Variants in AOC1 observed in about 807,000 individuals in gnomAD.
The protein encoded by AOC1 is diamine oxidase [copper-containing].
A neutral mutation model predicts 57.1 loss-of-function variants in AOC1; 58 were observed. That is an observed-to-expected ratio of 1.02 (90% CI 0.82 to 1.26). The LOEUF (loss-of-function observed/expected upper bound fraction) is 1.26, where lower values mean the gene tolerates loss of function less well. AOC1 is among the 50% of genes most tolerant of loss of function. The pLI is 0.00. For missense variants in AOC1, 917 were observed against 1,005.3 expected (o/e 0.91, Z 1.19); for synonymous variants, 401 against 423.4 (o/e 0.95, Z 0.65).
Position 150,857,315 on chromosome 7 carries a change from T to C in AOC1, c.845T>C (p.Phe282Ser). 1.3e-6 allele frequency: 2 copies of C among 1,597,074 alleles called. No individual in the cohort carries two copies. The highest frequency in any genetic ancestry group is 8.5e-7 in the Non-Finnish European group (1 of 1,169,950). ...GHDSTEEPPL[F>S]SSHKPRGDFP... ...GACAGCACAGAGGAGCCGCCCCTCT[T>C]CTCCTCCCACAAGCCCCGCGGGGAC... The change falls in exon 2 of 5, where the codon TTC becomes TCC. Residue 282 changes from phenylalanine to serine, a missense_variant. Coordinates refer to ENST00000360937, the MANE Select transcript of AOC1 (RefSeq NM_001091.4). This position sits in a 1 kb window ranked among gnomAD's most constrained non-coding sequence, Gnocchi z 6.6.
chr7:150,859,425 C>T (rs1287261641), intron 3 of AOC1, among the ~76,000 whole-genome samples: 2 of 151,998 alleles, frequency 1.3e-5, no homozygotes, highest in African/African-American at 4.8e-5. Flanking sequence ...AAATCCTGGC[C>T]GGGCACGGTG....
In AOC1 at chr7:150,856,658, C is replaced by A; in HGVS notation, c.188C>A (p.Thr63Asn). 1.9e-6 allele frequency: 3 copies of A among 1,614,172 alleles called. No individual in the cohort carries two copies. The highest frequency in any genetic ancestry group is 2.5e-6 in the Non-Finnish European group (3 of 1,179,980). ...AGGCTGCAGCCCTCCAGTACCACCA[C>A]CATGGCCAAGAACACCGTGTTTCTC... The part of the protein sequence containing the change: ...ELRLQPSSTT[T>N]MAKNTVFLIE... Residue 63 changes from threonine (T) to asparagine (N), a missense_variant, in exon 2 of 5, where the codon ACC becomes AAC. Transcript: ENST00000360937. This position sits in a 1 kb window ranked among gnomAD's most constrained non-coding sequence, Gnocchi z 5.2.
chr7:150,860,885 T>G, intron 4 of AOC1, 58 bp from the exon 5 acceptor site: 1 of 1,552,284 alleles, frequency 6.4e-7, no homozygotes, highest in Non-Finnish European at 8.7e-7. Flanking sequence ...AAGGCTAGAG[T>G]GGCCTCCAGT....
chr7:150,861,229 C>T lies in AOC1; in HGVS notation c.*20C>T. ...GTGTGACCAGCCCCCAGTTCCTCCC[C>T]CAGTTCCTCCCAGGAAGCCCAGGAG... On this transcript the variant is annotated 3_prime_UTR_variant, in exon 5 of 5. Coordinates refer to ENST00000360937, the MANE Select transcript of AOC1 (RefSeq NM_001091.4). The surrounding 1 kb of genome is among the most constrained non-coding windows in gnomAD (Gnocchi z 4.5). 1 of 1,545,570 alleles carries T rather than the reference C, an allele frequency of 6.5e-7. No individual in the cohort carries two copies.
In AOC1 at chr7:150,856,715, T is replaced by G; in HGVS notation, c.245T>G (p.Val82Gly). The G allele has an allele frequency of 6.2e-7, 1 of 1,614,152 alleles. No homozygotes were observed. The highest frequency in any genetic ancestry group is 2.2e-5 in the East Asian group (1 of 44,870). The change falls in exon 2 of 5, where the codon GTG becomes GGG. Residue 82 changes from valine to glycine, a missense_variant. Coordinates refer to ENST00000360937, the MANE Select transcript of AOC1 (RefSeq NM_001091.4). This position sits in a 1 kb window ranked among gnomAD's most constrained non-coding sequence, Gnocchi z 5.2. Reference sequence around the variant, plus strand: ...ATGCTGCTGCCCAAGAAGTACCATGTGCTGAGGTTTCTGGATAAAGGTGAA... The same window carrying G: ...ATGCTGCTGCCCAAGAAGTACCATGGGCTGAGGTTTCTGGATAAAGGTGAA... ...IEMLLPKKYH[V>G]LRFLDKGERH...
intron 3 of AOC1, 51 bp from the exon 4 acceptor site, chr7:150,860,449 AG>A: frequency 6.2e-7 from 1 of 1,611,902 alleles, no homozygotes. Flanking sequence ...GGCAGGACTG[AG>A]GGGGGCCAGC....
intron 3 of AOC1, among the ~76,000 whole-genome samples, chr7:150,859,486 G>A (rs1056836567): frequency 7.9e-5 from 12 of 151,448 alleles, no homozygotes; most frequent in Non-Finnish European, 1.5e-4. Context: ...GACAGATCAC[G>A]AGGTCAGGAG....
chr7:150,856,560 A>C lies in AOC1; in HGVS notation c.90A>C (p.Ala30=), dbSNP rs1799780906. 1.2e-6 allele frequency: 2 copies of C among 1,614,062 alleles called. No individual in the cohort carries two copies. Among genetic ancestry groups the C allele is most frequent in the African/African-American group, 1.3e-5 (1 of 75,042 alleles). Residue 30 remains alanine (A), a synonymous_variant, in exon 2 of 5, where the codon GCA becomes GCC. Coordinates refer to ENST00000360937, the MANE Select transcript of AOC1 (RefSeq NM_001091.4). This position sits in a 1 kb window ranked among gnomAD's most constrained non-coding sequence, Gnocchi z 5.2. ...EPSPGTLPRK[A]GVFSDLSNQE... is the part of the protein sequence containing the mutation. ...CCCCGGGGACTCTGCCCAGGAAGGC[A>C]GGGGTGTTTTCAGACCTAAGCAACC...
Position 150,856,566 on chromosome 7 carries a change from G to A in AOC1, c.96G>A (p.Val32=). 1 of 1,614,128 alleles carries A rather than the reference G, an allele frequency of 6.2e-7. No individual in the cohort carries two copies. The highest frequency in any genetic ancestry group is 8.5e-7 in the Non-Finnish European group (1 of 1,179,976). ...GGACTCTGCCCAGGAAGGCAGGGGTGTTTTCAGACCTAAGCAACCAAGAGC... is the reference window on the plus strand; with the variant it reads ...GGACTCTGCCCAGGAAGGCAGGGGTATTTTCAGACCTAAGCAACCAAGAGC... ...SPGTLPRKAG[V]FSDLSNQELK... is the part of the protein sequence containing the mutation. Residue 32 remains valine (V), a synonymous_variant, in exon 2 of 5, where the codon GTG becomes GTA. Coordinates refer to ENST00000360937, the MANE Select transcript of AOC1 (RefSeq NM_001091.4). This position sits in a 1 kb window ranked among gnomAD's most constrained non-coding sequence, Gnocchi z 5.2.
intron 1 of AOC1, among the ~76,000 whole-genome samples, chr7:150,855,566 G>A (rs937811463): frequency 2.0e-5 from 3 of 152,160 alleles, no homozygotes; most frequent in Admixed American, 2.0e-4. Context: ...CCTCCCTGAG[G>A]TCCCCTCCTA....
chr7:150,861,221 T>G lies in AOC1; in HGVS notation c.*12T>G. ...ATAGACCTGTGTGACCAGCCCCCAG[T>G]TCCTCCCCCAGTTCCTCCCAGGAAG... is the stretch of plus-strand genomic sequence containing the variant. On this transcript the variant is annotated 3_prime_UTR_variant, in exon 5 of 5. Coordinates refer to ENST00000360937, the MANE Select transcript of AOC1 (RefSeq NM_001091.4). This position sits in a 1 kb window ranked among gnomAD's most constrained non-coding sequence, Gnocchi z 4.5. The G allele has an allele frequency of 9.6e-6, 15 of 1,556,434 alleles. No homozygotes were observed. Among genetic ancestry groups the G allele is most frequent in the Non-Finnish European group, 1.3e-5 (15 of 1,144,238 alleles).
intron 1 of AOC1, among the ~76,000 whole-genome samples, chr7:150,855,899 G>C (rs188990668): frequency 1.8e-4 from 28 of 151,602 alleles, no homozygotes; most frequent in Admixed American, 1.8e-3. Context: ...TGAAGGCCCA[G>C]AGAGTTTAAG....
rs371131201 is a variant in AOC1, at chr7:150,857,508, T to C, written c.1038T>C (p.Ile346=). ...VLNVHFGGER[I]AYEVSVQEAV... ...ACGTGCACTTCGGCGGAGAGCGCATTGCCTATGAGGTCAGCGTGCAAGAGG... is the reference window on the plus strand; with the variant it reads ...ACGTGCACTTCGGCGGAGAGCGCATCGCCTATGAGGTCAGCGTGCAAGAGG... Residue 346 remains isoleucine, a synonymous_variant, in exon 2 of 5, where the codon ATT becomes ATC. Transcript: ENST00000360937. This position sits in a 1 kb window ranked among gnomAD's most constrained non-coding sequence, Gnocchi z 6.6. The C allele has an allele frequency of 6.2e-7, 1 of 1,613,886 alleles. No homozygotes were observed. Among genetic ancestry groups the C allele is most frequent in the Non-Finnish European group, 8.5e-7 (1 of 1,179,968 alleles).
chr7:150,860,382 T>C (rs1799931861), intron 3 of AOC1, 119 bp from the exon 4 acceptor site: 2 of 1,540,334 alleles, frequency 1.3e-6, no homozygotes, highest in African/African-American at 1.4e-5. Flanking sequence ...ACAGATGATC[T>C]GTCATCTTGG....
intron 2 of AOC1, 29 bp from the exon 3 acceptor site, chr7:150,858,734 T>G (rs1799869730): frequency 6.4e-7 from 1 of 1,565,674 alleles, no homozygotes; most frequent in Non-Finnish European, 8.7e-7. Context: ...AGCTTGATTC[T>G]CGTTCTCCTT....
At chr7:150,860,772 T>C (rs1799945803) in intron 4 of AOC1, 139 bp downstream of exon 4, 1 of 1,355,836 alleles carries the variant, frequency 7.4e-7, no homozygotes, top group Non-Finnish European at 1.0e-6. Context: ...TGTGCCTTGC[T>C]GTGTGGACGG....
At position 150,860,625 on chromosome 7, in the gene AOC1, G is replaced by C; in HGVS notation, c.1981G>C (p.Glu661Gln). 6.2e-7 allele frequency: 1 copy of C among 1,613,838 alleles called. No homozygotes were observed. The highest frequency in any genetic ancestry group is 1.6e-4 in the Middle Eastern group (1 of 6,062). The change falls in exon 4 of 5, where the codon GAA becomes CAA. Residue 661 changes from glutamate (E) to glutamine (Q), a missense_variant. By Grantham distance (29) the Glu-to-Gln change is conservative. Coordinates refer to ENST00000360937, the MANE Select transcript of AOC1 (RefSeq NM_001091.4). ...GTTTCTTCACAACAACGAGAACATT[G>C]AAAATGAGGTACTGCCCTGTCCCCA... The part of the protein sequence containing the change: ...EQFLHNNENI[E>Q]NEDLVAWVTV...
Position 150,856,498 on chromosome 7 carries a change from G to A in AOC1, c.28G>A (p.Ala10Thr), listed in dbSNP as rs200422035. 2 of 1,613,832 alleles carry A rather than the reference G, an allele frequency of 1.2e-6. No individual in the cohort carries two copies. The highest frequency in any genetic ancestry group is 2.7e-5 in the African/African-American group (2 of 75,040). Residue 10 changes from alanine (A) to threonine (T), a missense_variant, in exon 2 of 5, where the codon GCC becomes ACC. Transcript: ENST00000360937. This position sits in a 1 kb window ranked among gnomAD's most constrained non-coding sequence, Gnocchi z 5.2. ...GCCGGCCCTGGGCTGGGCCGTGGCTGCCATCCTGATGCTGCAGACGGCCAT... is the reference window on the plus strand; with the variant it reads ...GCCGGCCCTGGGCTGGGCCGTGGCTACCATCCTGATGCTGCAGACGGCCAT... MPALGWAVAAILMLQTAMAE... is the reference protein window; with the variant it reads MPALGWAVATILMLQTAMAE...
At chr7:150,853,688 TATATATA>T (rs1563087136) in intron 1 of AOC1, among the ~76,000 whole-genome samples, 3,210 of 34,522 alleles carry the variant, frequency 0.093, 77 homozygotes, top group African/African-American at 0.25. Context: ...TATATATATA[TATATATA>T]TATTTATTTA....
Sources: gnomAD v4.1 joint callset for allele counts (sites outside exome capture counted in the v4.1 genomes callset) on GRCh38, gnomAD v4.1.1 for gene constraint, Gnocchi (gnomAD v3.1) non-coding constraint, MANE v1.5 for transcripts, NCBI Gene and HGNC (gene_info 2026-07-23, HGNC 2026-07-21) for gene names.